PROM1: variants seen among roughly 807,000 people sequenced by gnomAD.
PROM1 encodes prominin-1.
Under a neutral mutation model 116.9 loss-of-function variants are expected in PROM1, and 105 were observed. That is an observed-to-expected ratio of 0.90 (90% CI 0.77 to 1.06). The LOEUF (loss-of-function observed/expected upper bound fraction) is 1.06. PROM1 is among the 50% of genes least tolerant of loss of function. The pLI is 0.00. For missense variants in PROM1, 1,122 were observed against 1,045.2 expected, an observed-to-expected ratio of 1.07 and a Z score of -1.01; for synonymous variants, 393 against 387.0, an observed-to-expected ratio of 1.02 and a Z score of -0.18.
At chr4:15,993,949 G>A (rs1449372372) in intron 16 of PROM1, 38 bp downstream of exon 16, 1 of 1,587,768 alleles carries the variant, frequency 6.3e-7, no homozygotes, top group Non-Finnish European at 8.6e-7. Context: ...TTTGGTGAAG[G>A]AATGTGTTAT....
intron 13 of PROM1, among the ~76,000 whole-genome samples, chr4:16,001,575 C>T (rs1723860849): frequency 6.6e-6 from 1 of 152,074 alleles, no homozygotes; most frequent in African/African-American, 2.4e-5. Flanking sequence ...GTGATGCCAC[C>T]TAGGGGACAA....
At chr4:16,068,710 T>C (rs1367649061) in intron 2 of PROM1, among the ~76,000 whole-genome samples, 2 of 152,194 alleles carry the variant, frequency 1.3e-5, no homozygotes, top group African/African-American at 4.8e-5. Context: ...TGTTATAATT[T>C]TGTCCTTACA....
chr4:16,001,825 T>C (rs781558057), intron 13 of PROM1, among the ~76,000 whole-genome samples: 15 of 152,106 alleles, frequency 9.9e-5, no homozygotes, highest in Non-Finnish European at 1.6e-4. Flanking sequence ...GTAAAGAGTT[T>C]CTGCTTTTAT....
chr4:16,070,883 A>G (rs184368202), intron 2 of PROM1, among the ~76,000 whole-genome samples: 1 of 152,280 alleles, frequency 6.6e-6, no homozygotes. Flanking sequence ...CAGTTCAATG[A>G]TCCCTCCTGG....
intron 13 of PROM1, 92 bp from the exon 14 acceptor site, chr4:16,000,711 G>T: frequency 9.1e-7 from 1 of 1,104,934 alleles, no homozygotes. Flanking sequence ...CTATAAAATA[G>T]CCCTGGGGTC....
intron 1 of PROM1, among the ~76,000 whole-genome samples, chr4:16,081,000 C>G (rs1228702511): frequency 6.6e-6 from 1 of 151,818 alleles, no homozygotes; most frequent in Non-Finnish European, 1.5e-5. Context: ...CTAAGCCACC[C>G]AGGGACCATC....
At chr4:16,007,199 A>G (rs895897061) in intron 12 of PROM1, among the ~76,000 whole-genome samples, 1 of 152,230 alleles carries the variant, frequency 6.6e-6, no homozygotes, top group Non-Finnish European at 1.5e-5. Flanking sequence ...ATTTGGGGCC[A>G]CTGTGTTCTT....
intron 23 of PROM1, 108 bp downstream of exon 23, chr4:15,984,155 T>C: frequency 1.1e-6 from 1 of 931,562 alleles, no homozygotes; most frequent in Non-Finnish European, 1.6e-6. Flanking sequence ...ATTTTAGGTT[T>C]TGGATTCTCT....
intron 2 of PROM1, among the ~76,000 whole-genome samples, chr4:16,043,786 C>G (rs1200419386): frequency 6.6e-6 from 1 of 152,220 alleles, no homozygotes; most frequent in Non-Finnish European, 1.5e-5. Flanking sequence ...CTGCGCCTCT[C>G]CATCCATTGC....
intron 11 of PROM1, among the ~76,000 whole-genome samples, 180 bp downstream of exon 11, chr4:16,013,095 G>A (rs1727337002): frequency 6.6e-6 from 1 of 152,104 alleles, no homozygotes; most frequent in Non-Finnish European, 1.5e-5. Flanking sequence ...TCAATAACAG[G>A]TTTGTTCTTG....
At chr4:15,999,315 C>A (rs1450057243) in intron 14 of PROM1, among the ~76,000 whole-genome samples, 1 of 151,792 alleles carries the variant, frequency 6.6e-6, no homozygotes, top group Non-Finnish European at 1.5e-5. Flanking sequence ...ACTAAAAATA[C>A]AAAAAATTAG....
At chr4:15,990,516 A>T (rs959819781) in intron 18 of PROM1, among the ~76,000 whole-genome samples, 2 of 152,236 alleles carry the variant, frequency 1.3e-5, no homozygotes, top group African/African-American at 4.8e-5. Flanking sequence ...TATTCCCTAC[A>T]CAGCAGGAAA....
At position 15,991,306 on chromosome 4, in the gene PROM1, T is replaced by TG; in HGVS notation, c.1912-14dup. On this transcript the variant is annotated splice_polypyrimidine_tract_variant and intron_variant, in intron 17 of 27. Coordinates refer to ENST00000447510, the MANE Select transcript of PROM1 (RefSeq NM_006017.3). ...GGGATTTACCAGTCTACAATAGAAG[T>TG]GAAAAAAATTGTCTTATGGATATGG... 6.4e-7 allele frequency: 1 copy of TG among 1,567,708 alleles called. No homozygotes were observed. Among genetic ancestry groups the TG allele is most frequent in the Non-Finnish European group, 8.6e-7 (1 of 1,158,772 alleles).
intron 19 of PROM1, among the ~76,000 whole-genome samples, chr4:15,988,679 G>A (rs1006520861): frequency 1.3e-5 from 2 of 152,056 alleles, no homozygotes; most frequent in Non-Finnish European, 2.9e-5. Flanking sequence ...AAGGCCAAAG[G>A]GTCCTGTGTA....
In PROM1 at chr4:15,979,463, A is replaced by G; in HGVS notation, c.2514T>C (p.Asn838=). 1 of 1,608,524 alleles carries G rather than the reference A, an allele frequency of 6.2e-7. No homozygotes were observed. The highest frequency in any genetic ancestry group is 8.5e-7 in the Non-Finnish European group (1 of 1,177,090). Residue 838 remains asparagine, a splice_region_variant and synonymous_variant, in exon 26 of 28, where the codon AAT becomes AAC. Transcript: ENST00000447510. ...GATAACCATTATTACCATTTTCCAT[A>G]CTGTAACAGAAATAAATACACCAAA... ...YDDVETIPMK[N]MENGNNGYHK... is the part of the protein sequence containing the mutation.
chr4:15,980,733 T>C (rs1032654718), intron 23 of PROM1, among the ~76,000 whole-genome samples, 196 bp from the exon 24 acceptor site: 5 of 152,018 alleles, frequency 3.3e-5, no homozygotes, highest in Admixed American at 2.6e-4. Flanking sequence ...TTAGGATTCA[T>C]TTCATCTTTC....
At chr4:15,980,001 T>A in intron 24 of PROM1, 97 bp from the exon 25 acceptor site, 2 of 756,612 alleles carry the variant, frequency 2.6e-6, no homozygotes, top group Middle Eastern at 2.5e-4. Context: ...ACACGGATAC[T>A]GACAGTGCAA....
chr4:16,024,215 G>T, intron 7 of PROM1, 80 bp downstream of exon 7: 1 of 1,281,952 alleles, frequency 7.8e-7, no homozygotes, highest in Non-Finnish European at 1.1e-6. Flanking sequence ...TTTCACGTAC[G>T]TCATTTCTTA....
At chr4:16,050,154 G>T (rs192341554) in intron 2 of PROM1, among the ~76,000 whole-genome samples, 18 of 151,882 alleles carry the variant, frequency 1.2e-4, no homozygotes, top group Non-Finnish European at 1.8e-4. Context: ...CCAGCTACTC[G>T]GGAGGCTGAG....
Sources: gnomAD v4.1 joint callset for allele counts (sites outside exome capture counted in the v4.1 genomes callset) on GRCh38, gnomAD v4.1.1 for gene constraint, MANE v1.5 for transcripts, NCBI Gene and HGNC (gene_info 2026-07-23, HGNC 2026-07-21) for gene names.